The following ATG13 variants were observed in gnomAD, a reference collection of about 807,000 sequenced individuals.
The protein encoded by ATG13 is autophagy-related protein 13.
Under a neutral mutation model 65.5 loss-of-function variants are expected in ATG13, and 23 were observed. The ratio of observed to expected loss-of-function variants is 0.35; its 90% CI spans 0.25 to 0.50. ATG13 has a LOEUF of 0.50. Ranked by LOEUF, ATG13 falls within the 20% of genes least tolerant of loss-of-function variation. ATG13 has a pLI of 0.98. For missense variants in ATG13, 566 were observed against 677.0 expected (o/e 0.84, Z 1.82); for synonymous variants, 252 against 245.2 (o/e 1.03, Z -0.26).
chr11:46,641,720 C>T (rs1277885735), intron 2 of ATG13, among the ~76,000 whole-genome samples: 1 of 151,270 alleles, frequency 6.6e-6, no homozygotes, highest in Non-Finnish European at 1.5e-5. Flanking sequence ...GACCTGTACA[C>T]CCAAGATTTG....
intron 5 of ATG13, among the ~76,000 whole-genome samples, chr11:46,646,687 C>A (rs1366058247): frequency 6.6e-6 from 1 of 151,722 alleles, no homozygotes; most frequent in African/African-American, 2.4e-5. Context: ...TGGTGTTGAA[C>A]TCCTGACCTC....
At chr11:46,666,342 A>G (rs1218534031) in intron 14 of ATG13, among the ~76,000 whole-genome samples, 2 of 152,234 alleles carry the variant, frequency 1.3e-5, no homozygotes, top group Admixed American at 1.3e-4. Context: ...CCCAAGGACC[A>G]GAACAGGGTG....
In ATG13 at chr11:46,663,335, C is replaced by T. The variant is rs4447137; in HGVS notation, c.790-662C>T. Among the ~76,000 whole-genome samples the T allele has an allele frequency of 8.6e-3, 1,298 of 151,714 alleles. 10 individuals carry two copies. Among genetic ancestry groups the T allele is most frequent in the African/African-American group, 0.03 (1,250 of 41,332 alleles). The stretch of plus-strand genomic sequence containing the variant: ...ATCATCATGACCATAATCATTATGC[C>T]CTTAAGTAGCTTTGAAATCATAAGA... On this transcript the variant is annotated intron_variant, in intron 11 of 18. Transcript: ENST00000683050.
chr11:46,618,356 C>G (rs1208192632), intron 1 of ATG13: 1 of 152,874 alleles, frequency 6.5e-6, no homozygotes, highest in Non-Finnish European at 1.5e-5. Flanking sequence ...GTGATCCATT[C>G]TCATTAAATA....
At chr11:46,619,372 C>CTTATTTTTTTTTTT (rs2046540438) in intron 1 of ATG13, among the ~76,000 whole-genome samples, 1 of 35,328 alleles carries the variant, frequency 2.8e-5, no homozygotes. Context: ...AGATTTCTTG[C>CTTATTTTTTTTTTT]TTTTTTTTTT....
At chr11:46,644,600 G>C (rs1403622832) in intron 3 of ATG13, among the ~76,000 whole-genome samples, 2 of 131,668 alleles carry the variant, frequency 1.5e-5, no homozygotes, top group Non-Finnish European at 3.3e-5. Context: ...TTTTTTTTTT[G>C]CAAGTCTGTT....
intron 6 of ATG13, 51 bp downstream of exon 6, chr11:46,649,234 G>A (rs1591894479): frequency 6.4e-7 from 1 of 1,564,328 alleles, no homozygotes; most frequent in Non-Finnish European, 8.7e-7. Flanking sequence ...GGATAAAGTA[G>A]ATGACATCAT....
intron 2 of ATG13, among the ~76,000 whole-genome samples, chr11:46,642,431 A>G (rs2056371136): frequency 6.9e-6 from 1 of 145,426 alleles, no homozygotes; most frequent in African/African-American, 2.5e-5. Flanking sequence ...TCAGCCTCCC[A>G]AGTAGCTGGT....
At position 46,672,859 on chromosome 11, in the gene ATG13, C is replaced by CTCT; in HGVS notation, c.*534_*536dup. 1.7e-6 allele frequency: 2 copies of CTCT among 1,145,344 alleles called. No individual in the cohort carries two copies. The highest frequency in any genetic ancestry group is 2.2e-6 in the Non-Finnish European group (2 of 889,248). The allele number at this position is 1,145,344 out of a possible 1,614,324, so 70.9% of individuals were successfully genotyped here. ...CTTTACTTCCTGCTATCTTCTTCTC[C>CTCT]TCTTCTTCTCTCTCTTGCCTCTATG... On this transcript the variant is annotated 3_prime_UTR_variant, in exon 19 of 19. Transcript: ENST00000683050.
intron 13 of ATG13, 84 bp from the exon 14 acceptor site, chr11:46,665,299 G>A: frequency 6.6e-7 from 1 of 1,516,760 alleles, no homozygotes; most frequent in Non-Finnish European, 9.0e-7. Context: ...AAAGTCAAAA[G>A]CAGATACCAT....
At chr11:46,666,268 G>A (rs542618878) in intron 14 of ATG13, among the ~76,000 whole-genome samples, 1 of 152,168 alleles carries the variant, frequency 6.6e-6, no homozygotes, top group Non-Finnish European at 1.5e-5. Context: ...ATCCAGTAAA[G>A]GGGTTGTCAG....
chr11:46,626,731 T>C (rs1276281186), intron 1 of ATG13, among the ~76,000 whole-genome samples: 3 of 152,220 alleles, frequency 2.0e-5, no homozygotes, highest in Non-Finnish European at 4.4e-5. Context: ...GGTGATTTGC[T>C]TGAACCAGTT....
chr11:46,635,766 T>G (rs1345484611), intron 2 of ATG13, among the ~76,000 whole-genome samples: 2 of 152,168 alleles, frequency 1.3e-5, no homozygotes, highest in African/African-American at 2.4e-5. Context: ...ACTGCACCCT[T>G]TTTGGCTCAA....
intron 2 of ATG13, among the ~76,000 whole-genome samples, chr11:46,632,759 G>A (rs2052258580): frequency 6.6e-6 from 1 of 151,998 alleles, no homozygotes; most frequent in South Asian, 2.1e-4. Context: ...ATAGTGTGGG[G>A]TGATACCAGG....
In ATG13 at chr11:46,672,698, T is replaced by C; in HGVS notation, c.*366T>C. The C allele has an allele frequency of 7.3e-7, 1 of 1,364,510 alleles. No homozygotes were observed. Among genetic ancestry groups the C allele is most frequent in the Non-Finnish European group, 9.7e-7 (1 of 1,030,964 alleles). 84.5% of individuals were successfully genotyped at this position (1,364,510 alleles called of 1,614,324 possible). The stretch of plus-strand genomic sequence containing the variant: ...CTGGGCCTGCCTTGCAGCTGGCCCC[T>C]TCCCTGCCTGCTGTCACCATCCACT... On this transcript the variant is annotated 3_prime_UTR_variant, in exon 19 of 19. Coordinates refer to ENST00000683050, the MANE Select transcript of ATG13 (RefSeq NM_001346311.2).
chr11:46,655,285 C>A (rs1300178643), intron 7 of ATG13, among the ~76,000 whole-genome samples: 1 of 152,050 alleles, frequency 6.6e-6, no homozygotes, highest in Non-Finnish European at 1.5e-5. Flanking sequence ...TGTAGTCCAG[C>A]TGCTCGGGAG....
chr11:46,665,797 C>CTCCTT (rs1359597606), intron 14 of ATG13, among the ~76,000 whole-genome samples: 4 of 87,776 alleles, frequency 4.6e-5, no homozygotes, highest in African/African-American at 2.0e-4. Context: ...TTTATTTTTC[C>CTCCTT]TTTTTTTTTT....
At chr11:46,629,292 G>A (rs548684685) in intron 1 of ATG13, among the ~76,000 whole-genome samples, 3 of 152,244 alleles carry the variant, frequency 2.0e-5, no homozygotes, top group African/African-American at 7.2e-5. Context: ...CTTTTCTAGA[G>A]CATGGTATAG....
At chr11:46,630,510 G>A (rs2051303406) in intron 2 of ATG13, among the ~76,000 whole-genome samples, 1 of 150,520 alleles carries the variant, frequency 6.6e-6, no homozygotes, top group Non-Finnish European at 1.5e-5. Context: ...CACTGTGCTT[G>A]TTACATCCAG....
Sources: allele counts gnomAD v4.1 joint callset (sites outside exome capture counted in the v4.1 genomes callset), GRCh38; gene constraint gnomAD v4.1.1; transcripts MANE v1.5; gene names NCBI Gene and HGNC (gene_info 2026-07-23, HGNC 2026-07-21).